The following EBF2 variants were observed in gnomAD, a reference collection of about 807,000 sequenced individuals.
EBF2 encodes the protein EBF transcription factor 2.
A neutral mutation model predicts 72.8 loss-of-function variants in EBF2; 21 were observed. The ratio of observed to expected loss-of-function variants is 0.29; its 90% confidence interval spans 0.20 to 0.42. EBF2 has a LOEUF of 0.42. Among genes scored for constraint, EBF2 ranks in the 10% least tolerant of loss-of-function variants. EBF2 has a pLI of 1.00. For missense variants in EBF2, 637 were observed against 731.2 expected (o/e 0.87, Z 1.49); for synonymous variants, 299 against 274.2 (o/e 1.09, Z -0.89).
At chr8:26,010,315 C>T (rs1804956644) in intron 6 of EBF2, among the ~76,000 whole-genome samples, 1 of 152,252 alleles carries the variant, frequency 6.6e-6, no homozygotes, top group African/African-American at 2.4e-5. Context: ...TGGCTGCTCA[C>T]TGCTCCACAG....
chr8:25,902,186 T>A (rs1279606784), intron 7 of EBF2, among the ~76,000 whole-genome samples: 2 of 152,188 alleles, frequency 1.3e-5, no homozygotes, highest in Non-Finnish European at 2.9e-5. Context: ...GTGCCTGACT[T>A]CCTCTTCCTA....
chr8:26,010,369 T>G (rs1236372114), intron 6 of EBF2, among the ~76,000 whole-genome samples: 1 of 152,244 alleles, frequency 6.6e-6, no homozygotes, highest in African/African-American at 2.4e-5. Flanking sequence ...GGCGAACCAC[T>G]GCTGACAGCT....
chr8:25,947,473 C>A (rs1421007936), intron 6 of EBF2, among the ~76,000 whole-genome samples: 6 of 152,162 alleles, frequency 3.9e-5, no homozygotes, highest in Non-Finnish European at 7.3e-5. Context: ...CATGCTGTAG[C>A]CCTAGTCAAA....
chr8:25,869,026 A>G (rs573637896), intron 10 of EBF2, among the ~76,000 whole-genome samples: 2 of 152,138 alleles, frequency 1.3e-5, no homozygotes, highest in East Asian at 3.9e-4. Context: ...AAGTCTCATC[A>G]CCATATTAAC....
At chr8:25,987,477 C>T (rs1346410561) in intron 6 of EBF2, among the ~76,000 whole-genome samples, 2 of 152,106 alleles carry the variant, frequency 1.3e-5, no homozygotes, top group African/African-American at 4.8e-5. Flanking sequence ...GTCATTTACA[C>T]CTTCAAAACA....
chr8:25,979,927 C>G (rs532086975), intron 6 of EBF2, among the ~76,000 whole-genome samples: 49 of 152,116 alleles, frequency 3.2e-4, no homozygotes, highest in African/African-American at 1.1e-3. Context: ...AAAAAAAATT[C>G]AGGAAGGAAA....
chr8:25,859,740 A>G (rs1314228187), intron 13 of EBF2, among the ~76,000 whole-genome samples: 2 of 144,886 alleles, frequency 1.4e-5, no homozygotes, highest in African/African-American at 5.2e-5. Flanking sequence ...TTTTTGAGAC[A>G]AGATCTCACT....
chr8:26,037,787 G>T (rs1335795847), intron 5 of EBF2, among the ~76,000 whole-genome samples: 1 of 152,158 alleles, frequency 6.6e-6, no homozygotes. Context: ...AAGCAGGGAA[G>T]AGAGGAACAG....
intron 1 of EBF2, 74 bp from the exon 2 acceptor site, chr8:26,042,325 A>G (rs2117268253): frequency 6.6e-7 from 1 of 1,524,884 alleles, no homozygotes; most frequent in African/African-American, 1.4e-5. Context: ...ACCGCCCACA[A>G]CACTGCAGAG....
chr8:25,936,858 T>C (rs1349155728), intron 6 of EBF2, among the ~76,000 whole-genome samples: 1 of 152,222 alleles, frequency 6.6e-6, no homozygotes, highest in Non-Finnish European at 1.5e-5. Flanking sequence ...TTCATCTGTG[T>C]TTCATGCCTA....
intron 15 of EBF2, among the ~76,000 whole-genome samples, chr8:25,849,116 A>C (rs1801905204): frequency 1.3e-5 from 2 of 152,316 alleles, no homozygotes; most frequent in Middle Eastern, 3.4e-3. Flanking sequence ...CTGCCAAAAA[A>C]TCCATGAAGT....
rs2117250446 is a variant in EBF2 at position 25,852,548 on chromosome 8, A to G, written c.1529-1787T>C. ...TCCATTTATATTCAGCAAATGACTC[A>G]CTAGTACAGATAATTATTTTCTAAT... On this transcript the variant is annotated intron_variant, in intron 14 of 15. Coordinates refer to ENST00000520164, the MANE Select transcript of EBF2 (RefSeq NM_022659.4). Among the ~76,000 whole-genome samples, 3 of 152,278 alleles carry G rather than the reference A, an allele frequency of 2.0e-5. 1 individual carries two copies. In the Middle Eastern group the frequency reaches 0.01, roughly 518 times the overall value.
At chr8:26,013,348 G>T (rs1805057810) in intron 6 of EBF2, among the ~76,000 whole-genome samples, 1 of 152,084 alleles carries the variant, frequency 6.6e-6, no homozygotes, top group Admixed American at 6.6e-5. Flanking sequence ...CACTGACACT[G>T]CCCTCGTGAG....
At chr8:25,965,952 G>T (rs952708222) in intron 6 of EBF2, among the ~76,000 whole-genome samples, 12 of 152,218 alleles carry the variant, frequency 7.9e-5, no homozygotes, top group Non-Finnish European at 1.0e-4. Context: ...TATCCTGACT[G>T]CAGTTGGCCC....
intron 5 of EBF2, among the ~76,000 whole-genome samples, chr8:26,034,590 G>A (rs1805465848): frequency 6.6e-6 from 1 of 152,160 alleles, no homozygotes; most frequent in Non-Finnish European, 1.5e-5. Context: ...AAGAAGCACT[G>A]GGAATTCACT....
intron 10 of EBF2, among the ~76,000 whole-genome samples, chr8:25,868,315 G>A (rs1316387375): frequency 1.3e-5 from 2 of 152,038 alleles, no homozygotes; most frequent in African/African-American, 4.8e-5. Context: ...TATTAGTTTT[G>A]TCTGCATTTT....
intron 15 of EBF2, among the ~76,000 whole-genome samples, chr8:25,846,243 T>C (rs1041939735): frequency 6.1e-4 from 93 of 152,284 alleles, no homozygotes; most frequent in African/African-American, 1.8e-3. Flanking sequence ...ATTTTATTTT[T>C]TTTTTCCTGG....
At chr8:25,938,809 C>T (rs1188467728) in intron 6 of EBF2, among the ~76,000 whole-genome samples, 3 of 152,106 alleles carry the variant, frequency 2.0e-5, no homozygotes, top group Non-Finnish European at 4.4e-5. Flanking sequence ...AATTTCATTA[C>T]TTGGAAAATA....
intron 11 of EBF2, among the ~76,000 whole-genome samples, chr8:25,861,631 A>T (rs1802215124): frequency 6.6e-6 from 1 of 152,204 alleles, no homozygotes; most frequent in Non-Finnish European, 1.5e-5. Context: ...AAACAACCCA[A>T]TTGAGAGTAT....
Sources: allele counts gnomAD v4.1 joint callset (sites outside exome capture counted in the v4.1 genomes callset), GRCh38; gene constraint gnomAD v4.1.1; transcripts MANE v1.5; gene names NCBI Gene and HGNC (gene_info 2026-07-23, HGNC 2026-07-21).